Variants in NMNAT3 observed in about 807,000 individuals in gnomAD.
NMNAT3 encodes the protein nicotinamide/nicotinic acid mononucleotide adenylyltransferase 3.
A neutral mutation model predicts 24.8 loss-of-function variants in NMNAT3; 21 were observed. The observed-to-expected ratio is 0.85, with a 90% CI of 0.60 to 1.22. The LOEUF (loss-of-function observed/expected upper bound fraction) is 1.22, where lower values mean the gene tolerates loss of function less well. NMNAT3 is among the 50% of genes most tolerant of loss of function. The probability of loss-of-function intolerance (pLI) is 0.00; values close to 1 mark genes in which losing one functional copy is unlikely to be tolerated. For synonymous variants in NMNAT3, 136 were observed against 155.2 expected (o/e 0.88, Z 0.92); for missense variants, 387 against 436.6 (o/e 0.89, Z 1.01).
chr3:139,662,383 C>T (rs572346274), intron 1 of NMNAT3, among the ~76,000 whole-genome samples: 2 of 152,220 alleles, frequency 1.3e-5, no homozygotes, highest in African/African-American at 2.4e-5. Context: ...GGGAGAAAGA[C>T]CTGCCTCAGA....
At chr3:139,582,190 CAA>C (rs756159164) in intron 4 of NMNAT3, among the ~76,000 whole-genome samples, 4 of 23,072 alleles carry the variant, frequency 1.7e-4, no homozygotes, top group African/African-American at 2.6e-4. Flanking sequence ...GACTCCCTCT[CAA>C]AAAAAAAAAA....
intron 1 of NMNAT3, among the ~76,000 whole-genome samples, chr3:139,660,656 G>C (rs578054921): frequency 2.9e-4 from 44 of 152,304 alleles, no homozygotes; most frequent in African/African-American, 1.0e-3. Context: ...GATTAGCAGT[G>C]ATGTCTCTAT....
intron 6 of NMNAT3, chr3:139,569,638 A>T (rs548594638): frequency 6.6e-6 from 1 of 152,272 alleles, no homozygotes; most frequent in East Asian, 1.9e-4. Context: ...CTGGGTTGAA[A>T]ATTCTTTTCT....
chr3:139,666,792 A>G lies in NMNAT3; in HGVS notation c.-141+10913T>C, dbSNP rs2057597936. 2.0e-5 allele frequency among the ~76,000 whole-genome samples: 3 copies of G among 152,132 alleles called. No individual in the cohort carries two copies. In the South Asian group the frequency reaches 6.2e-4, roughly 32 times the overall value. On this transcript the variant is annotated intron_variant, in intron 1 of 6. Transcript: ENST00000643695. ...GTTATGATCATTCTACTCAACCTTC[A>G]TGAGATCAACTCTTTTAGCTCCCAC... is the stretch of plus-strand genomic sequence containing the variant.
intron 5 of NMNAT3, among the ~76,000 whole-genome samples, chr3:139,576,791 T>C (rs549103079): frequency 6.6e-6 from 1 of 152,226 alleles, no homozygotes; most frequent in South Asian, 2.1e-4. Context: ...GTGTGGTGAC[T>C]CATGCCTGTA....
At chr3:139,668,256 G>A (rs1173665023) in intron 1 of NMNAT3, among the ~76,000 whole-genome samples, 1 of 152,212 alleles carries the variant, frequency 6.6e-6, no homozygotes, top group Admixed American at 6.5e-5. Context: ...TATGGACAGA[G>A]AAAGCCTGTA....
chr3:139,670,318 G>A (rs2057717738), intron 1 of NMNAT3, among the ~76,000 whole-genome samples: 1 of 152,198 alleles, frequency 6.6e-6, no homozygotes, highest in Admixed American at 6.5e-5. Context: ...TCTCAGCAAT[G>A]ACTGACAGAA....
intron 5 of NMNAT3, among the ~76,000 whole-genome samples, chr3:139,578,011 T>C (rs1278602254): frequency 6.6e-6 from 1 of 152,206 alleles, no homozygotes; most frequent in African/African-American, 2.4e-5. Context: ...TGCCTCCCAT[T>C]TCCTGCCAAT....
chr3:139,604,224 T>C (rs576562706), intron 3 of NMNAT3, among the ~76,000 whole-genome samples: 1 of 152,328 alleles, frequency 6.6e-6, no homozygotes, highest in African/African-American at 2.4e-5. Flanking sequence ...GCAAGCCACG[T>C]AGCAACTAGA....
At chr3:139,674,683 A>T (rs1208608431) in intron 1 of NMNAT3, among the ~76,000 whole-genome samples, 1 of 152,204 alleles carries the variant, frequency 6.6e-6, no homozygotes, top group Non-Finnish European at 1.5e-5. Context: ...TTCATTTCAC[A>T]CAAGCTGTCT....
rs144829968 is a variant in NMNAT3, at chr3:139,604,821, G to C, written c.110-21613C>G. Among the ~76,000 whole-genome samples, 554 of 152,266 alleles carry C rather than the reference G, an allele frequency of 3.6e-3. 4 individuals carry two copies. The highest frequency in any genetic ancestry group is 6.4e-3 in the Non-Finnish European group (436 of 68,024). The stretch of plus-strand genomic sequence containing the variant: ...ATTTATCTCATGTGCTGATTTTTAA[G>C]CCTAGTCCCAGAGGAAATGCAAGTT... On this transcript the variant is annotated intron_variant, in intron 3 of 6. Coordinates refer to ENST00000643695, the MANE Select transcript of NMNAT3 (RefSeq NM_001320510.2).
At chr3:139,591,230 C>G (rs559605282) in intron 3 of NMNAT3, among the ~76,000 whole-genome samples, 42 of 151,558 alleles carry the variant, frequency 2.8e-4, no homozygotes, top group African/African-American at 9.7e-4. Flanking sequence ...AAAATCGGGT[C>G]ACTCCCACCC....
chr3:139,632,237 C>G (rs183811626), intron 2 of NMNAT3, among the ~76,000 whole-genome samples: 3 of 152,250 alleles, frequency 2.0e-5, no homozygotes, highest in East Asian at 1.9e-4. Flanking sequence ...ATGGAATGAG[C>G]CTTCCAGAGA....
chr3:139,620,602 T>C (rs2055724014), intron 3 of NMNAT3, among the ~76,000 whole-genome samples: 1 of 152,212 alleles, frequency 6.6e-6, no homozygotes, highest in African/African-American at 2.4e-5. Flanking sequence ...TTGAGGCTAC[T>C]ATAATTAAAG....
rs945157308 is a variant in NMNAT3 at position 139,638,048 on chromosome 3, G to C, written c.-126C>G. ...GCAGTCCGCTTCATGGCAGGATCTAGGCTGAAGCAGGTAGCTGTGGAAGAA... is the reference window on the plus strand; with the variant it reads ...GCAGTCCGCTTCATGGCAGGATCTACGCTGAAGCAGGTAGCTGTGGAAGAA... On this transcript the variant is annotated 5_prime_UTR_variant, in exon 2 of 7. Transcript: ENST00000643695. 6.6e-6 allele frequency: 1 copy of C among 152,156 alleles called. No individual in the cohort carries two copies. The highest frequency in any genetic ancestry group is 2.4e-5 in the African/African-American group (1 of 41,430). 9.4% of individuals were successfully genotyped at this position (152,156 alleles called of 1,614,324 possible). A position where few individuals can be genotyped will look rare whatever the true frequency, so the allele number is the denominator to read the frequency against.
chr3:139,627,781 A>G lies in NMNAT3; in HGVS notation c.-40-17T>C. On this transcript the variant is annotated splice_polypyrimidine_tract_variant and intron_variant, in intron 2 of 6. Transcript: ENST00000643695. The stretch of plus-strand genomic sequence containing the variant: ...GCCACCCTGCTTTTATGGGGACAAA[A>G]GCTCATGTCAGGGAGTTAGCACTGA... The G allele has an allele frequency of 1.0e-6, 1 of 986,162 alleles. No individual in the cohort carries two copies. Among genetic ancestry groups the G allele is most frequent in the Non-Finnish European group, 1.5e-6 (1 of 661,740 alleles). The allele number at this position is 986,162 out of a possible 1,614,324, so 61.1% of individuals were successfully genotyped here.
intron 3 of NMNAT3, among the ~76,000 whole-genome samples, chr3:139,612,572 GGTGAA>G (rs1454711354): frequency 6.6e-6 from 1 of 152,160 alleles, no homozygotes; most frequent in Non-Finnish European, 1.5e-5. Flanking sequence ...TCCCTCTTCT[GGTGAA>G]GTGGGCCTGA....
chr3:139,677,643 C>T (rs2057977119), intron 1 of NMNAT3, 62 bp downstream of exon 1: 1 of 152,234 alleles, frequency 6.6e-6, no homozygotes, highest in South Asian at 2.1e-4. Flanking sequence ...GTCACGTGGG[C>T]CCGGGCATTC....
chr3:139,630,389 C>G (rs1432904237), intron 2 of NMNAT3, among the ~76,000 whole-genome samples: 1 of 152,156 alleles, frequency 6.6e-6, no homozygotes, highest in Non-Finnish European at 1.5e-5. Flanking sequence ...GTGTCTGGGA[C>G]TTGGGAGGGT....
Sources: gnomAD v4.1 joint callset for allele counts (sites outside exome capture counted in the v4.1 genomes callset) on GRCh38, gnomAD v4.1.1 for gene constraint, MANE v1.5 for transcripts, NCBI Gene and HGNC (gene_info 2026-07-23, HGNC 2026-07-21) for gene names.